CAMK2B: variants seen among roughly 807,000 people sequenced by gnomAD.
CAMK2B encodes calcium/calmodulin dependent protein kinase II beta.
CAMK2B carries 27 observed loss-of-function variants against 93.7 expected under a neutral mutation model. The ratio of observed to expected loss-of-function variants is 0.29; its 90% confidence interval spans 0.21 to 0.40. The LOEUF (loss-of-function observed/expected upper bound fraction) is 0.40, where lower values mean the gene tolerates loss of function less well. Ranked by LOEUF, CAMK2B falls within the 10% of genes least tolerant of loss-of-function variation. CAMK2B has a pLI of 1.00. For missense variants in CAMK2B, 568 were observed against 895.8 expected, an observed-to-expected ratio of 0.63 and a Z score of 4.67; for synonymous variants, 374 against 358.8, an observed-to-expected ratio of 1.04 and a Z score of -0.48.
At chr7:44,282,220 T>C (rs1179633635) in intron 2 of CAMK2B, among the ~76,000 whole-genome samples, 2 of 152,204 alleles carry the variant, frequency 1.3e-5, no homozygotes, top group East Asian at 1.9e-4. Flanking sequence ...CGCCCACTTA[T>C]GACCAGTTCT....
At chr7:44,251,757 C>A (rs981271308) in intron 5 of CAMK2B, among the ~76,000 whole-genome samples, 14 of 152,232 alleles carry the variant, frequency 9.2e-5, no homozygotes, top group African/African-American at 2.9e-4. Context: ...ACCAGGGGTG[C>A]CCTCCGCATC....
At chr7:44,254,405 C>T in intron 5 of CAMK2B, 137 bp downstream of exon 5, 6 of 666,618 alleles carry the variant, frequency 9.0e-6, no homozygotes, top group South Asian at 1.8e-5. Flanking sequence ...GGCTTCATGC[C>T]CATCGCTCTG....
At chr7:44,251,297 G>C (rs894330930) in intron 5 of CAMK2B, among the ~76,000 whole-genome samples, 2 of 152,186 alleles carry the variant, frequency 1.3e-5, no homozygotes, top group Non-Finnish European at 2.9e-5. Flanking sequence ...CTATAGTCCT[G>C]CCCTGAGTTT....
At chr7:44,264,626 C>T (rs1223724185) in intron 2 of CAMK2B, among the ~76,000 whole-genome samples, 1 of 152,138 alleles carries the variant, frequency 6.6e-6, no homozygotes, top group African/African-American at 2.4e-5. Flanking sequence ...GCTGGAAGCC[C>T]AGGGCATACC....
chr7:44,271,954 C>T lies in CAMK2B; in HGVS notation c.161-8890G>A, dbSNP rs1225691306. 6.6e-6 allele frequency among the ~76,000 whole-genome samples: 1 copy of T among 152,170 alleles called. No individual in the cohort carries two copies. On this transcript the variant is annotated intron_variant, in intron 2 of 23. Transcript: ENST00000395749. The surrounding 1 kb of genome is among the most constrained non-coding windows in gnomAD (Gnocchi z 4.2). ...CAGGCCTGTGAGCTGCTCATGGCAC[C>T]CATGAAACAGGGCTGTTGCTGCGTC... is the stretch of plus-strand genomic sequence containing the variant.
chr7:44,268,184 T>C (rs370567880), intron 2 of CAMK2B: 1 of 152,336 alleles, frequency 6.6e-6, no homozygotes, highest in Non-Finnish European at 1.5e-5. Flanking sequence ...CGCCCTGGAC[T>C]GCGCAGGGCA....
chr7:44,251,246 C>T (rs922242126), intron 5 of CAMK2B, among the ~76,000 whole-genome samples: 2 of 152,354 alleles, frequency 1.3e-5, no homozygotes, highest in Admixed American at 6.5e-5. Context: ...ACTGTTCAGA[C>T]ATGGGGCTCT....
Position 44,325,438 on chromosome 7 carries a change from C to T in CAMK2B, c.-17G>A. Reference sequence around the variant, plus strand: ...GGTGGCCATGGCGGCGGCGGACGGGCTCGGCGTGCGCTCGGCTGCGCTCGG... The same window carrying T: ...GGTGGCCATGGCGGCGGCGGACGGGTTCGGCGTGCGCTCGGCTGCGCTCGG... On this transcript the variant is annotated 5_prime_UTR_variant, in exon 1 of 24. Transcript: ENST00000395749. The T allele has an allele frequency of 9.0e-7, 1 of 1,114,992 alleles. No individual in the cohort carries two copies. Among genetic ancestry groups the T allele is most frequent in the South Asian group, 3.0e-5 (1 of 33,154 alleles). The allele number at this position is 1,114,992 out of a possible 1,614,324, so 69.1% of individuals were successfully genotyped here. A position where few individuals can be genotyped will look rare whatever the true frequency, so the allele number is the denominator to read the frequency against.
chr7:44,251,201 C>T (rs535008596), intron 5 of CAMK2B, among the ~76,000 whole-genome samples: 2 of 152,302 alleles, frequency 1.3e-5, no homozygotes, highest in South Asian at 2.1e-4. Context: ...TCCTGTCCCG[C>T]GCCTGTCCTT....
rs926075040 is a variant in CAMK2B at position 44,293,724 on chromosome 7, G to A, written c.66-9499C>T. Among the ~76,000 whole-genome samples the A allele has an allele frequency of 5.9e-5, 9 of 152,186 alleles. No homozygotes were observed. In the South Asian group the frequency reaches 8.3e-4, roughly 14 times the overall value. On this transcript the variant is annotated intron_variant, in intron 1 of 23. Transcript: ENST00000395749. ...GCTCCTATGAGAATCTGACACCTCC[G>A]CTGATCTGACAGGAGGCGGAGCTCA... is the stretch of plus-strand genomic sequence containing the variant.
intron 1 of CAMK2B, among the ~76,000 whole-genome samples, chr7:44,304,622 C>T (rs1790959157): frequency 6.6e-6 from 1 of 152,190 alleles, no homozygotes; most frequent in Non-Finnish European, 1.5e-5. Flanking sequence ...AGGTGGAGCA[C>T]AGAGAAATTC....
intron 1 of CAMK2B, among the ~76,000 whole-genome samples, chr7:44,285,847 G>A (rs1255249550): frequency 1.1e-5 from 1 of 93,332 alleles, no homozygotes; most frequent in Non-Finnish European, 2.2e-5. Flanking sequence ...GCGGTGTGGG[G>A]GGGACACGGC....
chr7:44,266,566 G>C (rs1454920749), intron 2 of CAMK2B, among the ~76,000 whole-genome samples: 1 of 152,184 alleles, frequency 6.6e-6, no homozygotes, highest in Non-Finnish European at 1.5e-5. Flanking sequence ...GCCTCATTCT[G>C]GGGGGTTCTG....
intron 1 of CAMK2B, among the ~76,000 whole-genome samples, chr7:44,290,359 G>A (rs114318570): frequency 1.3e-5 from 2 of 152,304 alleles, no homozygotes; most frequent in Non-Finnish European, 2.9e-5. Flanking sequence ...CCCCCTCCCC[G>A]CTCAGGTCCT....
At chr7:44,273,451 T>C (rs1429607280) in intron 2 of CAMK2B, among the ~76,000 whole-genome samples, 1 of 152,132 alleles carries the variant, frequency 6.6e-6, no homozygotes, top group African/African-American at 2.4e-5. Flanking sequence ...GCCTAGACTC[T>C]CCAGTCTAGG....
At chr7:44,241,818 C>T (rs759779114) in intron 10 of CAMK2B, 35 bp from the exon 11 acceptor site, 3 of 1,565,452 alleles carry the variant, frequency 1.9e-6, no homozygotes, top group South Asian at 2.2e-5. Flanking sequence ...GGCAGCCGAG[C>T]CCGAGGCACA....
At chr7:44,238,297 C>T (rs1482045125) in intron 13 of CAMK2B, among the ~76,000 whole-genome samples, 5 of 152,348 alleles carry the variant, frequency 3.3e-5, no homozygotes, top group Middle Eastern at 3.4e-3. Context: ...CATGCACCGT[C>T]GCCCCACGTT....
At chr7:44,283,541 C>T (rs962240365) in intron 2 of CAMK2B, among the ~76,000 whole-genome samples, 8 of 152,234 alleles carry the variant, frequency 5.3e-5, no homozygotes, top group Non-Finnish European at 1.0e-4. Context: ...CCAGGACAGG[C>T]GGAGTGCCCT....
chr7:44,265,967 T>C (rs1361659109), intron 2 of CAMK2B, among the ~76,000 whole-genome samples: 2 of 152,116 alleles, frequency 1.3e-5, no homozygotes, highest in African/African-American at 4.8e-5. Context: ...GGCAGGATTA[T>C]GGCTAATGTT....
Sources: gnomAD v4.1 joint callset for allele counts (sites outside exome capture counted in the v4.1 genomes callset) on GRCh38, gnomAD v4.1.1 for gene constraint, Gnocchi (gnomAD v3.1) non-coding constraint, MANE v1.5 for transcripts, NCBI Gene and HGNC (gene_info 2026-07-23, HGNC 2026-07-21) for gene names.